SDK2: variants seen among roughly 807,000 people sequenced by gnomAD.
SDK2 encodes sidekick cell adhesion molecule 2, also known as protein sidekick-2.
Under a neutral mutation model 253.9 loss-of-function variants are expected in SDK2, and 105 were observed. That is an observed-to-expected ratio of 0.41 (90% confidence interval 0.35 to 0.49). SDK2 has a LOEUF of 0.49. Among genes scored for constraint, SDK2 ranks in the 20% least tolerant of loss-of-function variants. The pLI is 0.06. For synonymous variants in SDK2, 1,249 were observed against 1,234.9 expected (o/e 1.01, Z -0.24); for missense variants, 2,608 against 3,003.0 (o/e 0.87, Z 3.07).
chr17:73,506,181 C>T (rs1000759452), intron 2 of SDK2, among the ~76,000 whole-genome samples: 18 of 152,342 alleles, frequency 1.2e-4, no homozygotes, highest in East Asian at 3.9e-4. Flanking sequence ...TTCACAGAGA[C>T]GGTCACAACT....
chr17:73,596,975 C>T (rs561536668), intron 1 of SDK2, among the ~76,000 whole-genome samples: 20 of 152,274 alleles, frequency 1.3e-4, no homozygotes, highest in South Asian at 2.1e-4. Context: ...GGACTCTGGT[C>T]GGGAGTCCGG....
At chr17:73,498,835 G>A (rs11077686) in intron 2 of SDK2, among the ~76,000 whole-genome samples, 109,118 of 152,068 alleles carry the variant, frequency 0.72, 39,270 homozygotes, top group East Asian at 0.76. Flanking sequence ...CTGCCCGGGG[G>A]AAGGACAAGC....
chr17:73,596,810 T>A (rs750287699), intron 1 of SDK2, among the ~76,000 whole-genome samples: 34 of 152,208 alleles, frequency 2.2e-4, no homozygotes, highest in Non-Finnish European at 3.7e-4. Flanking sequence ...TCCCTGGGGA[T>A]AGCTCCCTGC....
chr17:73,459,549 T>C (rs1349775033), intron 3 of SDK2, among the ~76,000 whole-genome samples: 5 of 152,222 alleles, frequency 3.3e-5, no homozygotes, highest in Non-Finnish European at 7.3e-5. Flanking sequence ...AATTAAGTGT[T>C]TCAAAAGATC....
Position 73,423,405 on chromosome 17 carries a change from A to G in SDK2, c.1878T>C (p.Ile626=). ...FDGNSPLIRY[I]LEMSENNAPW... is the part of the protein sequence containing the mutation. ...GCTTACTGTTCTCCGACATCTCCAG[A>G]ATGTAGCGGATCAGGGGGCTGTTGC... The change falls in exon 14 of 45, where the codon ATT becomes ATC. Residue 626 remains isoleucine (I), a synonymous_variant. Transcript: ENST00000392650. The G allele has an allele frequency of 6.5e-7, 1 of 1,527,782 alleles. No homozygotes were observed. The highest frequency in any genetic ancestry group is 8.8e-7 in the Non-Finnish European group (1 of 1,133,868). The allele number at this position is 1,527,782 out of a possible 1,614,324, so 94.6% of individuals were successfully genotyped here.
chr17:73,411,317 C>G (rs983294222), intron 18 of SDK2, among the ~76,000 whole-genome samples: 2 of 152,234 alleles, frequency 1.3e-5, no homozygotes, highest in East Asian at 1.9e-4. Context: ...CAGCCTCCCC[C>G]ACTTTGGAGG....
intron 24 of SDK2, among the ~76,000 whole-genome samples, chr17:73,396,598 G>C (rs2062972789): frequency 6.6e-6 from 1 of 152,182 alleles, no homozygotes; most frequent in Non-Finnish European, 1.5e-5. Context: ...GCCGGAGATG[G>C]GGCTTAAGTG....
rs9901608 is a variant in SDK2, at chr17:73,335,488, T to G, written c.*3099A>C. On this transcript the variant is annotated 3_prime_UTR_variant, in exon 45 of 45. Transcript: ENST00000392650. ...CCACCCCTTTCTAATGTGGCCAGGT[T>G]TCTGGGAGGACGGTTGGGAGCCTCG... is the stretch of plus-strand genomic sequence containing the variant. 0.98 allele frequency: 149,727 copies of G among 152,376 alleles called. 73,614 individuals are homozygous for G. Among genetic ancestry groups the G allele is most frequent in the Middle Eastern group, 1 (294 of 294 alleles). The allele number at this position is 152,376 out of a possible 1,614,324, so 9.4% of individuals were successfully genotyped here.
rs33992958 is a variant in SDK2 at position 73,375,230 on chromosome 17, C to CTT, written c.4980+3945_4980+3946dup. Among the ~76,000 whole-genome samples, 38 of 58,664 alleles carry CTT rather than the reference C, an allele frequency of 6.5e-4. 4 individuals are homozygous for CTT. The highest frequency in any genetic ancestry group is 1.1e-3 in the African/African-American group (16 of 14,210). 38.5% of individuals were successfully genotyped at this position (58,664 alleles called of 152,430 possible). On this transcript the variant is annotated intron_variant, in intron 36 of 44. Coordinates refer to ENST00000392650, the MANE Select transcript of SDK2 (RefSeq NM_001144952.2). ...TCTCATTAAGTCCTTTCCTAACAAC[C>CTT]TTTTTTTTTTTTTTTTTTTTTTTTT...
chr17:73,432,769 T>C (rs778648467), intron 10 of SDK2, among the ~76,000 whole-genome samples: 1 of 85,602 alleles, frequency 1.2e-5, no homozygotes, highest in Non-Finnish European at 3.1e-5. Context: ...TGTTTGTACG[T>C]GTGTGTGCAC....
Position 73,592,919 on chromosome 17 carries a change from G to A in SDK2, c.64+51106C>T, listed in dbSNP as rs141989408. On this transcript the variant is annotated intron_variant, in intron 1 of 44. Transcript: ENST00000392650. ...TCAGGGTTTAACCTCAGCTCACCCC[G>A]GTAATGCTGTGTTTGCAGCGCATGG... is the stretch of plus-strand genomic sequence containing the variant. Among the ~76,000 whole-genome samples the A allele has an allele frequency of 4.8e-3, 734 of 152,262 alleles. 2 individuals carry two copies. The highest frequency in any genetic ancestry group is 7.7e-3 in the Non-Finnish European group (525 of 68,010).
At chr17:73,625,236 C>T (rs2046186926) in intron 1 of SDK2, among the ~76,000 whole-genome samples, 2 of 152,222 alleles carry the variant, frequency 1.3e-5, no homozygotes, top group Non-Finnish European at 2.9e-5. Context: ...GGCGGAATTC[C>T]ACATCCTGCC....
In SDK2 at chr17:73,395,623, C is replaced by T. The variant is rs544033070; in HGVS notation, c.3355-231G>A. Among the ~76,000 whole-genome samples, 1 of 152,350 alleles carries T rather than the reference C, an allele frequency of 6.6e-6. No homozygotes were observed. The highest frequency in any genetic ancestry group is 1.5e-5 in the Non-Finnish European group (1 of 68,032). On this transcript the variant is annotated intron_variant, in intron 24 of 44. Coordinates refer to ENST00000392650, the MANE Select transcript of SDK2 (RefSeq NM_001144952.2). This position sits in a 1 kb window ranked among gnomAD's most constrained non-coding sequence, Gnocchi z 4.3. ...GGAGGACAGAGAAGCAGCATCCTTT[C>T]TTTATTGTGTATGTGACAAATCTAT...
chr17:73,570,598 A>T lies in SDK2; in HGVS notation c.65-63001T>A, dbSNP rs1474784359. ...ACTGAGCGCTGACTACCCGTGAGGCACTGAACACCACCATCAGCTCACCGC... is the reference window on the plus strand; with the variant it reads ...ACTGAGCGCTGACTACCCGTGAGGCTCTGAACACCACCATCAGCTCACCGC... On this transcript the variant is annotated intron_variant, in intron 1 of 44. Coordinates refer to ENST00000392650, the MANE Select transcript of SDK2 (RefSeq NM_001144952.2). This position sits in a 1 kb window ranked among gnomAD's most constrained non-coding sequence, Gnocchi z 4.2. Among the ~76,000 whole-genome samples, 1 of 152,180 alleles carries T rather than the reference A, an allele frequency of 6.6e-6. No individual in the cohort carries two copies. Among genetic ancestry groups the T allele is most frequent in the African/African-American group, 2.4e-5 (1 of 41,442 alleles).
At chr17:73,607,806 C>A (rs1174055623) in intron 1 of SDK2, among the ~76,000 whole-genome samples, 1 of 151,068 alleles carries the variant, frequency 6.6e-6, no homozygotes. Flanking sequence ...TTTTACGCTG[C>A]AGGCTTTTGA....
intron 13 of SDK2, 84 bp downstream of exon 13, chr17:73,423,831 GA>G (rs11287411): frequency 0.75 from 915,965 of 1,214,896 alleles, 352,347 homozygotes; most frequent in Admixed American, 0.82. Context: ...CTGGGGATCT[GA>G]AAAAAGGGAC....
chr17:73,425,719 C>A (rs1472943418), intron 12 of SDK2, among the ~76,000 whole-genome samples: 1 of 152,110 alleles, frequency 6.6e-6, no homozygotes, highest in African/African-American at 2.4e-5. Context: ...GTTGGTCAGG[C>A]TGGTCTCTAA....
At chr17:73,591,556 C>A (rs1567860434) in intron 1 of SDK2, among the ~76,000 whole-genome samples, 1 of 152,132 alleles carries the variant, frequency 6.6e-6, no homozygotes. Flanking sequence ...CAGTGCAAAC[C>A]TGTAGGACGT....
chr17:73,439,327 G>A (rs1212313481), intron 6 of SDK2, among the ~76,000 whole-genome samples: 2 of 152,178 alleles, frequency 1.3e-5, no homozygotes, highest in Non-Finnish European at 2.9e-5. Flanking sequence ...CATGTCTCAG[G>A]TATTCCTTTA....
Sources: gnomAD v4.1 joint callset for allele counts (sites outside exome capture counted in the v4.1 genomes callset) on GRCh38, gnomAD v4.1.1 for gene constraint, Gnocchi (gnomAD v3.1) non-coding constraint, MANE v1.5 for transcripts, NCBI Gene and HGNC (gene_info 2026-07-23, HGNC 2026-07-21) for gene names.